VRK2: variants seen among roughly 807,000 people sequenced by gnomAD.
VRK2 encodes the protein VRK serine/threonine kinase 2.
VRK2 carries 60 observed loss-of-function variants against 57.6 expected under a neutral mutation model. That is an observed-to-expected ratio of 1.04 (90% CI 0.85 to 1.29). The LOEUF is 1.29. VRK2 is among the 50% of genes most tolerant of loss of function. The pLI is 0.00. For synonymous variants in VRK2, 231 were observed against 199.2 expected, an observed-to-expected ratio of 1.16 and a Z score of -1.35; for missense variants, 705 against 588.1, an observed-to-expected ratio of 1.20 and a Z score of -2.06.
intron 1 of VRK2, among the ~76,000 whole-genome samples, chr2:58,022,944 T>G (rs1479101133): frequency 6.6e-6 from 1 of 152,188 alleles, no homozygotes; most frequent in Non-Finnish European, 1.5e-5. Context: ...TATTTTTAAA[T>G]AATTACAGAG....
At chr2:57,940,872 T>G (rs1408334651) in intron 1 of VRK2, among the ~76,000 whole-genome samples, 1 of 151,848 alleles carries the variant, frequency 6.6e-6, no homozygotes, top group Non-Finnish European at 1.5e-5. Flanking sequence ...AGAACTCATC[T>G]GCATCCTGCT....
At chr2:58,003,631 A>C (rs914957735) in intron 1 of VRK2, among the ~76,000 whole-genome samples, 1 of 152,138 alleles carries the variant, frequency 6.6e-6, no homozygotes, top group African/African-American at 2.4e-5. Flanking sequence ...TCTGAAATTT[A>C]ACTGGATGTC....
At chr2:58,109,259 G>T (rs1052728981) in intron 7 of VRK2, among the ~76,000 whole-genome samples, 1 of 152,088 alleles carries the variant, frequency 6.6e-6, no homozygotes. Context: ...CATTATCCCA[G>T]TCCCTCAACC....
chr2:57,931,673 C>T (rs997836590), intron 1 of VRK2, among the ~76,000 whole-genome samples: 9 of 152,028 alleles, frequency 5.9e-5, no homozygotes, highest in Non-Finnish European at 1.3e-4. Context: ...GGTATCATAT[C>T]CAAAAAATTA....
At chr2:58,101,594 T>G (rs1382309049) in intron 7 of VRK2, among the ~76,000 whole-genome samples, 1 of 151,708 alleles carries the variant, frequency 6.6e-6, no homozygotes, top group Non-Finnish European at 1.5e-5. Context: ...TTTTGTGACT[T>G]TTTTTAGTGG....
At position 58,015,246 on chromosome 2, in the gene VRK2, C is replaced by T. The variant is rs538647970; in HGVS notation, c.-438-10419C>T. On this transcript the variant is annotated intron_variant, in intron 1 of 15. Transcript: ENST00000417641. ...TTTTTCATCTTAGGTTTGTTCATTT[C>T]CTTCTTCACTTGTTTGTGTGTTTGT... Among the ~76,000 whole-genome samples, 14 of 152,186 alleles carry T rather than the reference C, an allele frequency of 9.2e-5. No homozygotes were observed. In the South Asian group the frequency reaches 1.2e-3, roughly 14 times the overall value.
At chr2:57,986,124 C>A (rs1031383180) in intron 1 of VRK2, among the ~76,000 whole-genome samples, 17 of 151,912 alleles carry the variant, frequency 1.1e-4, no homozygotes, top group African/African-American at 4.1e-4. Context: ...GAGTGTTCTA[C>A]TTGGGAGAGA....
rs149492893 is a variant in VRK2, at chr2:57,936,897, A to G, written c.-439+29058A>G. 1.3e-4 allele frequency among the ~76,000 whole-genome samples: 20 copies of G among 152,316 alleles called. No individual in the cohort carries two copies. In the East Asian group the frequency reaches 3.7e-3, roughly 28 times the overall value. ...ACTCTAACACTTCTGGATTACTGCT[A>G]CTGGTTATTCTGCTCTCCAGATACC... On this transcript the variant is annotated intron_variant, in intron 1 of 15. Coordinates refer to the VRK2 transcript ENST00000417641.
chr2:57,968,187 A>G (rs1671979626), intron 1 of VRK2, among the ~76,000 whole-genome samples: 1 of 152,050 alleles, frequency 6.6e-6, no homozygotes, highest in African/African-American at 2.4e-5. Context: ...TGTGTAGAAC[A>G]AACATAAAAA....
chr2:57,915,807 T>G (rs1572854835), intron 1 of VRK2, among the ~76,000 whole-genome samples: 1 of 152,106 alleles, frequency 6.6e-6, no homozygotes, highest in Non-Finnish European at 1.5e-5. Context: ...AAGTGAGTGG[T>G]GGGCAAGCCA....
intron 1 of VRK2, among the ~76,000 whole-genome samples, chr2:57,939,997 T>C (rs924186099): frequency 6.6e-6 from 1 of 152,192 alleles, no homozygotes; most frequent in Admixed American, 6.5e-5. Flanking sequence ...AAAATACTAA[T>C]TGTTCTCGAA....
Position 58,123,172 on chromosome 2 carries a change from T to C in VRK2, c.615T>C (p.Asn205=). The change falls in exon 8 of 13, where the codon AAT becomes AAC. Residue 205 remains asparagine, a synonymous_variant. Coordinates refer to ENST00000340157, the MANE Select transcript of VRK2 (RefSeq NM_006296.7). ...GGAACCACAAACAGTATCAGGAAAA[T>C]CCTAGAAAAGGCCATAATGGGACAA... is the stretch of plus-strand genomic sequence containing the variant. The part of the protein sequence containing the change: ...PNGNHKQYQE[N]PRKGHNGTIE... The C allele has an allele frequency of 1.3e-6, 2 of 1,595,868 alleles. No individual in the cohort carries two copies. The highest frequency in any genetic ancestry group is 1.7e-6 in the Non-Finnish European group (2 of 1,174,956).
intron 1 of VRK2, among the ~76,000 whole-genome samples, chr2:57,949,643 A>G (rs182871292): frequency 1.2e-4 from 18 of 152,286 alleles, no homozygotes; most frequent in Admixed American, 2.6e-4. Flanking sequence ...AATTATGCCA[A>G]TTAATAACCC....
intron 7 of VRK2, among the ~76,000 whole-genome samples, chr2:58,114,522 A>G (rs577660371): frequency 6.6e-6 from 1 of 152,332 alleles, no homozygotes; most frequent in South Asian, 2.1e-4. Context: ...AATGGGCTGT[A>G]CCTTGTAGCA....
At chr2:58,153,070 A>G (rs1406403851) in intron 12 of VRK2, among the ~76,000 whole-genome samples, 2 of 151,914 alleles carry the variant, frequency 1.3e-5, no homozygotes, top group Non-Finnish European at 2.9e-5. Flanking sequence ...TCTCTTCCCA[A>G]TCCTAATCCT....
At chr2:57,937,583 A>T (rs1279545954) in intron 1 of VRK2, among the ~76,000 whole-genome samples, 1 of 152,204 alleles carries the variant, frequency 6.6e-6, no homozygotes, top group Non-Finnish European at 1.5e-5. Context: ...TGAACTAAGC[A>T]TTGCTATTTA....
At chr2:58,135,294 C>T in intron 10 of VRK2, 95 bp downstream of exon 10, 1 of 1,340,058 alleles carries the variant, frequency 7.5e-7, no homozygotes, top group Non-Finnish European at 1.1e-6. Flanking sequence ...CCACTTGCTC[C>T]TATTCCCATC....
At chr2:58,050,896 G>A (rs1263596530) in intron 2 of VRK2, among the ~76,000 whole-genome samples, 1 of 151,652 alleles carries the variant, frequency 6.6e-6, no homozygotes, top group African/African-American at 2.4e-5. Flanking sequence ...CCAGGCTGGA[G>A]TGCAGTGGCT....
rs1433138222 is a variant in VRK2 at position 58,017,100 on chromosome 2, T to C, written c.-438-8565T>C. ...TGGCTGCAGTGAGCACTACGAGAAT[T>C]TCTGGGGAGCAGTCACAGGATAGAA... On this transcript the variant is annotated intron_variant, in intron 1 of 15. Coordinates refer to the VRK2 transcript ENST00000417641. Among the ~76,000 whole-genome samples the C allele has an allele frequency of 2.0e-5, 3 of 152,250 alleles. No homozygotes were observed. In the East Asian group the frequency reaches 5.8e-4, roughly 29 times the overall value.
Sources: gnomAD v4.1 joint callset for allele counts (sites outside exome capture counted in the v4.1 genomes callset) on GRCh38, gnomAD v4.1.1 for gene constraint, MANE v1.5 for transcripts, NCBI Gene and HGNC (gene_info 2026-07-23, HGNC 2026-07-21) for gene names.